KPNB1: variants seen among roughly 807,000 people sequenced by gnomAD.
KPNB1 encodes importin subunit beta-1.
Under a neutral mutation model 113.0 loss-of-function variants are expected in KPNB1, and 7 were observed. The observed-to-expected ratio is 0.06, with a 90% confidence interval of 0.04 to 0.12. KPNB1 has a LOEUF of 0.12. KPNB1 is among the 10% of genes least tolerant of loss of function. KPNB1 has a pLI of 1.00. For missense variants in KPNB1, 400 were observed against 1,054.8 expected (o/e 0.38, Z 8.60); for synonymous variants, 363 against 378.6 (o/e 0.96, Z 0.48).
chr17:47,661,111 T>A lies in KPNB1; in HGVS notation c.637-8T>A, dbSNP rs778469932. Reference sequence around the variant, plus strand: ...TCCTAATTCTCTTTATTTTTATTCCTCCTACAGTCTGAAAGGCACTTTATT... The same window carrying A: ...TCCTAATTCTCTTTATTTTTATTCCACCTACAGTCTGAAAGGCACTTTATT... On this transcript the variant is annotated splice_polypyrimidine_tract_variant and splice_region_variant and intron_variant, in intron 5 of 21. Coordinates refer to ENST00000290158, the MANE Select transcript of KPNB1 (RefSeq NM_002265.6). 3.1e-6 allele frequency: 5 copies of A among 1,607,390 alleles called. No homozygotes were observed. The highest frequency in any genetic ancestry group is 4.3e-6 in the Non-Finnish European group (5 of 1,173,828).
chr17:47,674,191 G>A (rs905942230), intron 14 of KPNB1, among the ~76,000 whole-genome samples: 2 of 152,202 alleles, frequency 1.3e-5, no homozygotes, highest in Non-Finnish European at 2.9e-5. Flanking sequence ...AGTCAGGTTG[G>A]TTTGATTTTA....
rs571522744 is a variant in KPNB1, at chr17:47,673,020, C to A, written c.1550C>A (p.Pro517His). The change falls in exon 13 of 22, where the codon CCT becomes CAT. Residue 517 changes from proline (P) to histidine (H), a missense_variant and splice_region_variant. Around this residue, in one of 2 missense-constraint regions of KPNB1, gnomAD observed 285 missense variants for 627.0 expected, o/e 0.45. Coordinates refer to ENST00000290158, the MANE Select transcript of KPNB1 (RefSeq NM_002265.6). ...GATTTTCGCTGTGTTCTTTACAGACCTGATGGACACCAGAACAACCTGAGG... is the reference window on the plus strand; with the variant it reads ...GATTTTCGCTGTGTTCTTTACAGACATGATGGACACCAGAACAACCTGAGG... ...VQKLLETTDRPDGHQNNLRSS... is the reference protein window; with the variant it reads ...VQKLLETTDRHDGHQNNLRSS... The A allele has an allele frequency of 6.2e-6, 10 of 1,613,116 alleles. No homozygotes were observed. The highest frequency in any genetic ancestry group is 8.5e-6 in the Non-Finnish European group (10 of 1,179,680).
In KPNB1 at chr17:47,650,302, G is replaced by A. The variant is rs934881396; in HGVS notation, c.40+18G>A. 1.2e-6 allele frequency: 2 copies of A among 1,606,798 alleles called. No individual in the cohort carries two copies. Among genetic ancestry groups the A allele is most frequent in the African/African-American group, 2.7e-5 (2 of 74,590 alleles). On this transcript the variant is annotated intron_variant, in intron 1 of 21. Transcript: ENST00000290158. ...GTCTCCCGGTAGGACGCAGGAGCCG[G>A]GGGTAGGGCTGAGGTGATTGGGGTG...
In KPNB1 at chr17:47,650,455, CCCCGCCGCGCCCAT is replaced by C. The variant is rs773258422; in HGVS notation, c.99+21_99+34del. 1.3e-5 allele frequency: 20 copies of C among 1,595,778 alleles called. No individual in the cohort carries two copies. The highest frequency in any genetic ancestry group is 6.8e-5 in the East Asian group (3 of 43,908). On this transcript the variant is annotated intron_variant, in intron 2 of 21. Coordinates refer to ENST00000290158, the MANE Select transcript of KPNB1 (RefSeq NM_002265.6). ...GCCGTGGAGAACCTGGTGCGTGCTACCCCGCCGCGCCCATCCCGCCGCGTCCCCATCCCCTGCGT... is the reference window on the plus strand; with the variant it reads ...GCCGTGGAGAACCTGGTGCGTGCTACCCCGCCGCGTCCCCATCCCCTGCGT...
At chr17:47,675,893 G>A (rs2030602540) in intron 15 of KPNB1, among the ~76,000 whole-genome samples, 2 of 152,178 alleles carry the variant, frequency 1.3e-5, no homozygotes, top group Admixed American at 6.5e-5. Context: ...CTGTCAACAT[G>A]TGACCACTCC....
chr17:47,663,279 A>G (rs764858692), intron 7 of KPNB1, 101 bp downstream of exon 7: 24 of 717,776 alleles, frequency 3.3e-5, no homozygotes, highest in Admixed American at 2.2e-4. Flanking sequence ...ACTTAATACT[A>G]TGGAATCAAG....
chr17:47,653,820 C>A (rs1376871477), intron 3 of KPNB1, among the ~76,000 whole-genome samples: 2 of 152,108 alleles, frequency 1.3e-5, no homozygotes, highest in Non-Finnish European at 2.9e-5. Flanking sequence ...TCTTGCATAC[C>A]CATGATAAGG....
chr17:47,669,325 GAACTCCTGACCTCAAGC>G (rs1023184623), intron 10 of KPNB1, among the ~76,000 whole-genome samples: 3 of 152,060 alleles, frequency 2.0e-5, no homozygotes, highest in African/African-American at 4.8e-5. Flanking sequence ...GGCTGGTCTT[GAACTCCTGACCTCAAGC>G]AACTCCTGAC....
rs61750354 is a variant in KPNB1 at position 47,680,087 on chromosome 17, T to C, written c.2421T>C (p.Asp807=). Reference sequence around the variant, plus strand: ...CTTTCATTGACCACATTGCTGGAGATGAGGATCACACAGATGGAGTAGTAG... The same window carrying C: ...CTTTCATTGACCACATTGCTGGAGACGAGGATCACACAGATGGAGTAGTAG... The part of the protein sequence containing the change: ...ILSFIDHIAG[D]EDHTDGVVAC... The change falls in exon 20 of 22, where the codon GAT becomes GAC. Residue 807 remains aspartate, a synonymous_variant. Coordinates refer to ENST00000290158, the MANE Select transcript of KPNB1 (RefSeq NM_002265.6). 167 of 1,613,690 alleles carry C rather than the reference T, an allele frequency of 1.0e-4. No homozygotes were observed. The highest frequency in any genetic ancestry group is 1.3e-4 in the Non-Finnish European group (152 of 1,179,650).
intron 4 of KPNB1, among the ~76,000 whole-genome samples, chr17:47,658,259 A>G (rs575079187): frequency 1.3e-5 from 2 of 152,340 alleles, no homozygotes; most frequent in East Asian, 3.9e-4. Context: ...CATATACTTT[A>G]AATCATCTCT....
intron 3 of KPNB1, among the ~76,000 whole-genome samples, chr17:47,655,630 A>G (rs751881363): frequency 6.6e-6 from 1 of 152,196 alleles, no homozygotes. Context: ...ATCAGATTAG[A>G]CAGTGATCTA....
intron 19 of KPNB1, among the ~76,000 whole-genome samples, chr17:47,679,578 A>G (rs1051593818): frequency 1.3e-5 from 2 of 152,226 alleles, no homozygotes; most frequent in Non-Finnish European, 2.9e-5. Flanking sequence ...TGATATAACT[A>G]TATGCATCTA....
chr17:47,680,480 C>G (rs778025292), intron 20 of KPNB1, 28 bp from the exon 21 acceptor site: 1 of 1,612,658 alleles, frequency 6.2e-7, no homozygotes, highest in Admixed American at 1.7e-5. Flanking sequence ...GCTAGGAGCT[C>G]ATTCTCAGCT....
rs1436679716 is a variant in KPNB1, at chr17:47,654,791, A to T, written c.282+1915A>T. ...GTGCACTCCACATATGTACTAGGAG[A>T]CTATGTAGTGTGGTGTGAAGGCACC... is the stretch of plus-strand genomic sequence containing the variant. On this transcript the variant is annotated intron_variant, in intron 3 of 21. Transcript: ENST00000290158. 2.0e-5 allele frequency among the ~76,000 whole-genome samples: 3 copies of T among 152,170 alleles called. No homozygotes were observed. In the East Asian group the frequency reaches 5.8e-4, roughly 29 times the overall value.
intron 19 of KPNB1, among the ~76,000 whole-genome samples, chr17:47,679,225 C>T (rs1244207905): frequency 3.6e-4 from 55 of 152,164 alleles, no homozygotes; most frequent in Non-Finnish European, 2.9e-5. Flanking sequence ...TGCACCCAGC[C>T]CTCTGCTTCT....
At position 47,664,089 on chromosome 17, in the gene KPNB1, A is replaced by C. The variant is rs562147331; in HGVS notation, c.787-70A>C. ...TCTGAAATTTGCATGTCTGTGGTTA[A>C]AGCCGGGTTGGGGCAGGGACTCACT... is the stretch of plus-strand genomic sequence containing the variant. On this transcript the variant is annotated intron_variant, in intron 7 of 21. Transcript: ENST00000290158. 41 of 902,026 alleles carry C rather than the reference A, an allele frequency of 4.5e-5. No homozygotes were observed. Among genetic ancestry groups the C allele is most frequent in the Non-Finnish European group, 6.8e-5 (38 of 559,060 alleles). 55.9% of individuals were successfully genotyped at this position (902,026 alleles called of 1,614,324 possible).
In KPNB1 at chr17:47,677,380, G is replaced by A. The variant is rs561226723; in HGVS notation, c.2103+253G>A. On this transcript the variant is annotated intron_variant, in intron 17 of 21. Coordinates refer to ENST00000290158, the MANE Select transcript of KPNB1 (RefSeq NM_002265.6). ...CCAGCTACTCGGAAGGCTGAGGCAG[G>A]ATAATCGCTTGTACCCGGGAGGTGG... is the stretch of plus-strand genomic sequence containing the variant. 4.0e-5 allele frequency among the ~76,000 whole-genome samples: 6 copies of A among 149,592 alleles called. No individual in the cohort carries two copies. The South Asian group carries it at 1.3e-3, about 32-fold the overall frequency.
At chr17:47,652,004 C>A (rs932353442) in intron 2 of KPNB1, among the ~76,000 whole-genome samples, 1 of 152,138 alleles carries the variant, frequency 6.6e-6, no homozygotes, top group Non-Finnish European at 1.5e-5. Flanking sequence ...TTTTTTCTTT[C>A]ACTTTTTCCC....
At position 47,665,143 on chromosome 17, in the gene KPNB1, G is replaced by T; in HGVS notation, c.984G>T (p.Gln328His). 1.2e-6 allele frequency: 2 copies of T among 1,613,380 alleles called. No homozygotes were observed. Among genetic ancestry groups the T allele is most frequent in the South Asian group, 1.1e-5 (1 of 91,070 alleles). Residue 328 changes from glutamine to histidine, a missense_variant, in exon 9 of 22, where the codon CAG (glutamine) becomes CAT (histidine). Gln to His is a conservative substitution (Grantham distance 24, BLOSUM62 0). Around this residue, in one of 2 missense-constraint regions of KPNB1, gnomAD observed 285 missense variants for 627.0 expected, o/e 0.45. Coordinates refer to ENST00000290158, the MANE Select transcript of KPNB1 (RefSeq NM_002265.6). ...ALQYLVPILT[Q>H]TLTKQDENDD... Reference sequence around the variant, plus strand: ...AGTATCTGGTTCCAATCCTCACACAGACACTAACTAAACAGGTGAGTTACC... The same window carrying T: ...AGTATCTGGTTCCAATCCTCACACATACACTAACTAAACAGGTGAGTTACC...
Sources: allele counts gnomAD v4.1 joint callset (sites outside exome capture counted in the v4.1 genomes callset), GRCh38; gene constraint gnomAD v4.1.1; regional missense constraint gnomAD v4.1.1; transcripts MANE v1.5; gene names NCBI Gene and HGNC (gene_info 2026-07-23, HGNC 2026-07-21).